Variants in GAD2 observed in about 807,000 individuals in gnomAD.
GAD2 encodes the protein glutamate decarboxylase 2, also known as 65 kDa glutamic acid decarboxylase.
A neutral mutation model predicts 80.1 loss-of-function variants in GAD2; 22 were observed. That is an observed-to-expected ratio of 0.27 (90% CI 0.20 to 0.39). The LOEUF is 0.39. GAD2 is among the 10% of genes least tolerant of loss of function. The pLI, the probability that GAD2 is intolerant of heterozygous loss-of-function variation, is 1.00. For missense variants in GAD2, 624 were observed against 738.4 expected (o/e 0.85, Z 1.80); for synonymous variants, 274 against 256.9 (o/e 1.07, Z -0.64).
chr10:26,278,414 C>T (rs555868989), intron 11 of GAD2, among the ~76,000 whole-genome samples: 179 of 152,346 alleles, frequency 1.2e-3, no homozygotes, highest in African/African-American at 4.1e-3. Context: ...CTAAGCACTT[C>T]ACCTAAATAC....
At chr10:26,223,851 G>A (rs751921166) in intron 4 of GAD2, 36 bp from the exon 5 acceptor site, 3 of 1,368,524 alleles carry the variant, frequency 2.2e-6, no homozygotes, top group Non-Finnish European at 2.1e-6. Flanking sequence ...ATTTTCACTG[G>A]AGGCAATCCT....
At chr10:26,272,692 C>T (rs987450454) in intron 10 of GAD2, among the ~76,000 whole-genome samples, 29 of 152,034 alleles carry the variant, frequency 1.9e-4, no homozygotes, top group African/African-American at 6.8e-4. Context: ...GGTGAAACCT[C>T]GTCTCTACTA....
chr10:26,261,803 T>A (rs1432261754), intron 8 of GAD2, among the ~76,000 whole-genome samples: 1 of 152,144 alleles, frequency 6.6e-6, no homozygotes, highest in African/African-American at 2.4e-5. Context: ...ATCCACTTCC[T>A]TCTCTTCTGG....
At chr10:26,271,039 A>G (rs1845131052) in intron 10 of GAD2, among the ~76,000 whole-genome samples, 1 of 152,162 alleles carries the variant, frequency 6.6e-6, no homozygotes, top group Admixed American at 6.5e-5. Flanking sequence ...TTCTCAATTC[A>G]TCGAGCCATT....
chr10:26,234,043 GCC>G (rs1844639267), intron 7 of GAD2, among the ~76,000 whole-genome samples: 1 of 152,128 alleles, frequency 6.6e-6, no homozygotes, highest in Non-Finnish European at 1.5e-5. Flanking sequence ...AACAACCTCA[GCC>G]GGGTGCGGTG....
Position 26,217,384 on chromosome 10 carries a change from C to A in GAD2, c.77-226C>A, listed in dbSNP as rs1281493419. Among the ~76,000 whole-genome samples, 1 of 152,116 alleles carries A rather than the reference C, an allele frequency of 6.6e-6. No individual in the cohort carries two copies. The highest frequency in any genetic ancestry group is 2.4e-5 in the African/African-American group (1 of 41,434). On this transcript the variant is annotated intron_variant, in intron 1 of 15. Coordinates refer to ENST00000376261, the MANE Select transcript of GAD2 (RefSeq NM_001134366.2). The surrounding 1 kb of genome is among the most constrained non-coding windows in gnomAD (Gnocchi z 4.9). Reference sequence around the variant, plus strand: ...GCACCTGGAAGGGCAGCGGTGTGGGCTTCTCCTCGGGAAACAGATAAAGGA... The same window carrying A: ...GCACCTGGAAGGGCAGCGGTGTGGGATTCTCCTCGGGAAACAGATAAAGGA...
intron 4 of GAD2, among the ~76,000 whole-genome samples, chr10:26,220,901 G>C (rs1844445140): frequency 6.6e-6 from 1 of 152,218 alleles, no homozygotes; most frequent in Non-Finnish European, 1.5e-5. Flanking sequence ...GAAAAGATGG[G>C]CTAATTCAAT....
intron 7 of GAD2, among the ~76,000 whole-genome samples, chr10:26,238,809 G>A (rs951878987): frequency 1.3e-5 from 2 of 152,228 alleles, no homozygotes; most frequent in South Asian, 2.1e-4. Context: ...GCCAGCTGGC[G>A]AGCAGAAGTA....
At position 26,231,272 on chromosome 10, in the gene GAD2, G is replaced by A. The variant is rs907293833; in HGVS notation, c.840+1495G>A. On this transcript the variant is annotated intron_variant, in intron 7 of 15. Transcript: ENST00000376261. ...GCTCCTGTAAGGAAATGTCACTCAG[G>A]AGACGCAGGGAACCGTGGTGGGTCT... is the stretch of plus-strand genomic sequence containing the variant. 2.0e-5 allele frequency among the ~76,000 whole-genome samples: 3 copies of A among 152,088 alleles called. No individual in the cohort carries two copies. The East Asian group carries it at 5.8e-4, about 29-fold the overall frequency.
At position 26,235,939 on chromosome 10, in the gene GAD2, A is replaced by G. The variant is rs150079850; in HGVS notation, c.840+6162A>G. The stretch of plus-strand genomic sequence containing the variant: ...TCTAGGAAACATATTCTTCCTAATC[A>G]TAACAAACAGTGGCTCTTTAGGCAA... On this transcript the variant is annotated intron_variant, in intron 7 of 15. Coordinates refer to ENST00000376261, the MANE Select transcript of GAD2 (RefSeq NM_001134366.2). Among the ~76,000 whole-genome samples, 153 of 152,312 alleles carry G rather than the reference A, an allele frequency of 1.0e-3. 2 individuals carry two copies. Among genetic ancestry groups the G allele is most frequent in the African/African-American group, 3.5e-3 (146 of 41,560 alleles).
intron 12 of GAD2, among the ~76,000 whole-genome samples, chr10:26,282,901 T>G (rs1408863780): frequency 5.3e-5 from 8 of 152,240 alleles, no homozygotes; most frequent in Non-Finnish European, 2.9e-5. Context: ...AATATCCTTT[T>G]GGACTGGTTT....
chr10:26,242,109 C>T (rs934093417), intron 7 of GAD2, among the ~76,000 whole-genome samples: 6 of 149,846 alleles, frequency 4.0e-5, no homozygotes, highest in Non-Finnish European at 1.5e-5. Flanking sequence ...CCTCAGCCTC[C>T]GGAGTAGCTG....
At position 26,300,883 on chromosome 10, in the gene GAD2, C is replaced by A. The variant is rs1340371462; in HGVS notation, c.1680C>A (p.Val560=). ...ACAAGGTCAATTTCTTCCGCATGGT[C>A]ATCTCAAACCCAGCGGCAACTCACC... ...LGDKVNFFRM[V]ISNPAATHQD... is the part of the protein sequence containing the mutation. The change falls in exon 16 of 16, where the codon GTC becomes GTA. Residue 560 remains valine (V), a synonymous_variant. Transcript: ENST00000376261. 1 of 1,613,592 alleles carries A rather than the reference C, an allele frequency of 6.2e-7. No individual in the cohort carries two copies. Among genetic ancestry groups the A allele is most frequent in the Non-Finnish European group, 8.5e-7 (1 of 1,179,702 alleles).
At chr10:26,264,126 A>C (rs1845040568) in intron 8 of GAD2, among the ~76,000 whole-genome samples, 1 of 152,214 alleles carries the variant, frequency 6.6e-6, no homozygotes, top group African/African-American at 2.4e-5. Context: ...AGTGGTTACC[A>C]AATGTTAGGC....
chr10:26,251,261 A>G (rs1844878395), intron 8 of GAD2, among the ~76,000 whole-genome samples: 2 of 152,010 alleles, frequency 1.3e-5, no homozygotes, highest in Admixed American at 1.3e-4. Context: ...TACAAACACA[A>G]ACACACTTAA....
At position 26,217,983 on chromosome 10, in the gene GAD2, A is replaced by G. The variant is rs1357321101; in HGVS notation, c.278A>G (p.His93Arg). ...SKVDVNYAFL[H>R]ATDLLPACDG... ...GTGGATGTCAACTACGCGTTTCTCC[A>G]TGCAACAGGTAAAGACTCAGCGGGG... The change falls in exon 3 of 16, where the codon CAT becomes CGT. Residue 93 changes from histidine to arginine, a missense_variant. Coordinates refer to ENST00000376261, the MANE Select transcript of GAD2 (RefSeq NM_001134366.2). The surrounding 1 kb of genome is among the most constrained non-coding windows in gnomAD (Gnocchi z 4.9). 2.5e-6 allele frequency: 4 copies of G among 1,609,702 alleles called. No homozygotes were observed. In the Admixed American group the frequency reaches 5.0e-5, roughly 20 times the overall value.
intron 13 of GAD2, among the ~76,000 whole-genome samples, 172 bp downstream of exon 13, chr10:26,286,666 A>G (rs1159066336): frequency 1.3e-5 from 2 of 152,238 alleles, no homozygotes; most frequent in Admixed American, 1.3e-4. Flanking sequence ...AAATATAGTC[A>G]AATCCATTGT....
intron 15 of GAD2, among the ~76,000 whole-genome samples, chr10:26,293,214 G>A (rs2132320842): frequency 8.5e-6 from 1 of 117,784 alleles, no homozygotes; most frequent in Non-Finnish European, 1.6e-5. Context: ...GTCTCACTGT[G>A]TCTTCCAGGT....
At chr10:26,233,768 A>T (rs571802524) in intron 7 of GAD2, among the ~76,000 whole-genome samples, 1 of 152,218 alleles carries the variant, frequency 6.6e-6, no homozygotes, top group Non-Finnish European at 1.5e-5. Flanking sequence ...GCTAGACAAC[A>T]TCAATCTTGG....
Sources: gnomAD v4.1 joint callset for allele counts (sites outside exome capture counted in the v4.1 genomes callset) on GRCh38, gnomAD v4.1.1 for gene constraint, Gnocchi (gnomAD v3.1) non-coding constraint, MANE v1.5 for transcripts, NCBI Gene and HGNC (gene_info 2026-07-23, HGNC 2026-07-21) for gene names.